RUBCN: variants seen among roughly 807,000 people sequenced by gnomAD.
The protein encoded by RUBCN is run domain Beclin-1-interacting and cysteine-rich domain-containing protein.
RUBCN carries 74 observed loss-of-function variants against 113.2 expected under a neutral mutation model. That is an observed-to-expected ratio of 0.65 (90% CI 0.54 to 0.79). RUBCN has a LOEUF of 0.79. RUBCN is among the 30% of genes least tolerant of loss of function. The pLI, the probability that RUBCN is intolerant of heterozygous loss-of-function variation, is 0.00. For missense variants in RUBCN, 1,109 were observed against 1,251.7 expected (o/e 0.89, Z 1.72); for synonymous variants, 480 against 490.0 (o/e 0.98, Z 0.27).
intron 18 of RUBCN, among the ~76,000 whole-genome samples, chr3:197,676,046 A>T (rs1020287239): frequency 2.6e-5 from 4 of 152,204 alleles, no homozygotes; most frequent in African/African-American, 9.7e-5. Context: ...TAAAAGTGTA[A>T]TTTCTGCATT....
intron 1 of RUBCN, among the ~76,000 whole-genome samples, chr3:197,731,192 G>A (rs1291851055): frequency 6.6e-6 from 1 of 151,860 alleles, no homozygotes; most frequent in Non-Finnish European, 1.5e-5. Context: ...GAGTGGTGAT[G>A]ACTCTTAAGG....
In RUBCN at chr3:197,679,436, T is replaced by C. The variant is rs546039910; in HGVS notation, c.2430+1693A>G. On this transcript the variant is annotated intron_variant, in intron 16 of 19. Coordinates refer to ENST00000296343, the MANE Select transcript of RUBCN (RefSeq NM_014687.4). Reference sequence around the variant, plus strand: ...CCTACGCTCTAACTGACAACTGGCTTCAGACTGTCCTACGCTCTGACAACT... The same window carrying C: ...CCTACGCTCTAACTGACAACTGGCTCCAGACTGTCCTACGCTCTGACAACT... 5.9e-3 allele frequency among the ~76,000 whole-genome samples: 785 copies of C among 133,308 alleles called. 8 individuals are homozygous for C. The highest frequency in any genetic ancestry group is 0.013 in the African/African-American group (430 of 32,604). 87.5% of individuals were successfully genotyped at this position (133,308 alleles called of 152,430 possible).
At chr3:197,696,564 A>T (rs1212161249) in intron 8 of RUBCN, among the ~76,000 whole-genome samples, 1 of 152,176 alleles carries the variant, frequency 6.6e-6, no homozygotes, top group Non-Finnish European at 1.5e-5. Flanking sequence ...TTGGGCTGGG[A>T]GGCAGAAAAG....
At chr3:197,749,427 C>T (rs548186609) in exon 1 of RUBCN, 2 of 1,224,134 alleles carry the variant, frequency 1.6e-6, no homozygotes, top group African/African-American at 3.1e-5. Flanking sequence ...GCTTTGCGTT[C>T]AGATGCGGCA....
chr3:197,729,192 T>C (rs1727117442), intron 1 of RUBCN, among the ~76,000 whole-genome samples: 3 of 151,692 alleles, frequency 2.0e-5, no homozygotes, highest in African/African-American at 7.3e-5. Context: ...AGTTTTGACA[T>C]GGAAAATATT....
upstream of RUBCN, chr3:197,736,931 G>A (rs1728213243): frequency 7.4e-7 from 1 of 1,344,452 alleles, no homozygotes; most frequent in South Asian, 1.8e-5. Context: ...GGGGACTACA[G>A]CCCCCGGCGA....
Position 197,674,461 on chromosome 3 carries a change from C to A in RUBCN, c.*557G>T. 2.3e-6 allele frequency: 1 copy of A among 429,302 alleles called. No individual in the cohort carries two copies. The highest frequency in any genetic ancestry group is 4.8e-6 in the Non-Finnish European group (1 of 208,450). The allele number at this position is 429,302 out of a possible 1,614,324, so 26.6% of individuals were successfully genotyped here. A position where few individuals can be genotyped will look rare whatever the true frequency, so the allele number is the denominator to read the frequency against. On this transcript the variant is annotated 3_prime_UTR_variant, in exon 20 of 20. Coordinates refer to ENST00000296343, the MANE Select transcript of RUBCN (RefSeq NM_014687.4). ...TAGGATAGTCAGGATTGTTCTGTGGCCCCCAAAATACCCAAATAAGTGGAC... is the reference window on the plus strand; with the variant it reads ...TAGGATAGTCAGGATTGTTCTGTGGACCCCAAAATACCCAAATAAGTGGAC...
In RUBCN at chr3:197,675,490, C is replaced by G; in HGVS notation, c.2672G>C (p.Cys891Ser). ...CMLCQAKGFI[C>S]EFCQNEDDII... ...GTCATCCTCATTCTGACAGAACTCA[C>G]AGATGAAGCCTTTGGCTTGGCAGAG... The change falls in exon 19 of 20, where the codon TGT becomes TCT. Residue 891 changes from cysteine (C) to serine (S), a missense_variant. By Grantham distance (112) the Cys-to-Ser change is moderately radical. Transcript: ENST00000296343. This position sits in a 1 kb window ranked among gnomAD's most constrained non-coding sequence, Gnocchi z 4.4. 1 of 1,614,086 alleles carries G rather than the reference C, an allele frequency of 6.2e-7. No homozygotes were observed. Among genetic ancestry groups the G allele is most frequent in the Non-Finnish European group, 8.5e-7 (1 of 1,179,980 alleles).
intron 1 of RUBCN, among the ~76,000 whole-genome samples, chr3:197,728,986 G>C (rs768839025): frequency 6.6e-6 from 1 of 151,950 alleles, no homozygotes; most frequent in Non-Finnish European, 1.5e-5. Flanking sequence ...GATTCAGGCC[G>C]GGCGCGGTGG....
intron 1 of RUBCN, among the ~76,000 whole-genome samples, chr3:197,728,684 C>T (rs956853747): frequency 6.6e-6 from 1 of 152,196 alleles, no homozygotes. Context: ...CTTAAAGAAG[C>T]GTTATAGCGG....
At chr3:197,684,260 G>C (rs375508512) in intron 11 of RUBCN, 43 bp from the exon 12 acceptor site, 7 of 1,490,042 alleles carry the variant, frequency 4.7e-6, no homozygotes, top group Non-Finnish European at 6.6e-6. Context: ...TGGAAACGGG[G>C]TGGGTAAGGG....
At chr3:197,749,738 C>G, upstream of RUBCN, 1 of 608,146 alleles carries the variant, frequency 1.6e-6, no homozygotes, top group South Asian at 1.6e-5. Flanking sequence ...ACAGCGGCTG[C>G]AATGCCTCGT....
intron 18 of RUBCN, chr3:197,676,079 G>A (rs768057855): frequency 7.3e-5 from 40 of 544,968 alleles, no homozygotes; most frequent in Non-Finnish European, 9.2e-5. Context: ...AGTAGATGAC[G>A]ACAATAACGA....
chr3:197,746,074 G>T (rs1728732421), intron 1 of RUBCN, among the ~76,000 whole-genome samples: 1 of 152,120 alleles, frequency 6.6e-6, no homozygotes, highest in African/African-American at 2.4e-5. Context: ...TGAGAAGGTT[G>T]CCAGATTTAG....
intron 16 of RUBCN, among the ~76,000 whole-genome samples, chr3:197,680,278 T>C (rs867844362): frequency 9.0e-4 from 117 of 130,316 alleles, no homozygotes; most frequent in African/African-American, 3.2e-3. Flanking sequence ...ACAACTGGCT[T>C]CAGACTGTCC....
In RUBCN at chr3:197,694,544, G is replaced by T. The variant is rs1164553032; in HGVS notation, c.1515C>A (p.Ala505=). Residue 505 remains alanine (A), a synonymous_variant, in exon 10 of 20, where the codon GCC becomes GCA. Transcript: ENST00000296343. ...TCATGTTGCACTTCATTAGCTCGATGGCAGCAATTAAGGACTCTGAGATGC... is the reference window on the plus strand; with the variant it reads ...TCATGTTGCACTTCATTAGCTCGATTGCAGCAATTAAGGACTCTGAGATGC... ...HFSISESLIA[A]IELMKCNMMS... is the part of the protein sequence containing the mutation. 1 of 1,614,194 alleles carries T rather than the reference G, an allele frequency of 6.2e-7. No homozygotes were observed.
At chr3:197,695,664 A>G (rs1722920749) in intron 9 of RUBCN, among the ~76,000 whole-genome samples, 1 of 152,176 alleles carries the variant, frequency 6.6e-6, no homozygotes, top group South Asian at 2.1e-4. Context: ...TCTAAGATAA[A>G]ATCGCTAATA....
Position 197,675,161 on chromosome 3 carries a change from A to G in RUBCN, c.2776T>C (p.Ser926Pro). The change falls in exon 20 of 20, where the codon TCT becomes CCT. Residue 926 changes from serine (S) to proline (P), a missense_variant. Physicochemically the swap from Ser to Pro is moderately conservative, Grantham distance 74. Transcript: ENST00000296343. This position sits in a 1 kb window ranked among gnomAD's most constrained non-coding sequence, Gnocchi z 4.4. ...KACYHKACFK[S>P]GSCPRCERLQ... ...CGCTCGCAGCGCGGACAGCTTCCAG[A>G]CTTGAAGCAGGCTTTATGGTAACAC... The G allele has an allele frequency of 6.2e-7, 1 of 1,614,082 alleles. No individual in the cohort carries two copies. The highest frequency in any genetic ancestry group is 8.5e-7 in the Non-Finnish European group (1 of 1,180,020).
intron 1 of RUBCN, among the ~76,000 whole-genome samples, chr3:197,724,795 T>C (rs1370440452): frequency 1.3e-5 from 2 of 152,098 alleles, no homozygotes; most frequent in East Asian, 3.9e-4. Flanking sequence ...TGAAAAGAAA[T>C]AATACGTTAA....
Sources: allele counts gnomAD v4.1 joint callset (sites outside exome capture counted in the v4.1 genomes callset), GRCh38; gene constraint gnomAD v4.1.1; non-coding constraint Gnocchi (gnomAD v3.1); transcripts MANE v1.5; gene names NCBI Gene and HGNC (gene_info 2026-07-23, HGNC 2026-07-21).